L3MBTL4: variants seen among roughly 807,000 people sequenced by gnomAD.
L3MBTL4 encodes lethal(3)malignant brain tumor-like protein 4.
A neutral mutation model predicts 84.5 loss-of-function variants in L3MBTL4; 70 were observed. The observed-to-expected ratio is 0.83, with a 90% CI of 0.68 to 1.01. L3MBTL4 has a LOEUF of 1.01. L3MBTL4 is among the 50% of genes least tolerant of loss of function. The pLI is 0.00. For synonymous variants in L3MBTL4, 274 were observed against 259.8 expected, an observed-to-expected ratio of 1.05 and a Z score of -0.52; for missense variants, 715 against 754.8, an observed-to-expected ratio of 0.95 and a Z score of 0.62.
intron 16 of L3MBTL4, among the ~76,000 whole-genome samples, chr18:6,044,632 A>G (rs1158640759): frequency 6.6e-6 from 1 of 152,164 alleles, no homozygotes; most frequent in Admixed American, 6.5e-5. Flanking sequence ...TTAAAAGAAA[A>G]GAAAAAGAAA....
intron 16 of L3MBTL4, among the ~76,000 whole-genome samples, chr18:6,071,092 T>C (rs555110859): frequency 1.3e-5 from 2 of 152,118 alleles, no homozygotes; most frequent in East Asian, 3.9e-4. Context: ...AAAACAATTA[T>C]AGAGATGGTA....
At chr18:5,997,767 C>T (rs534124561) in intron 16 of L3MBTL4, among the ~76,000 whole-genome samples, 29 of 152,260 alleles carry the variant, frequency 1.9e-4, no homozygotes, top group Middle Eastern at 3.4e-3. Flanking sequence ...GTCACCAACG[C>T]GTCCTTAACC....
At chr18:5,961,653 G>A (rs1275341027) in intron 17 of L3MBTL4, among the ~76,000 whole-genome samples, 1 of 152,180 alleles carries the variant, frequency 6.6e-6, no homozygotes, top group Non-Finnish European at 1.5e-5. Flanking sequence ...CAAGCTCCAG[G>A]AGCATCTGTG....
intron 14 of L3MBTL4, among the ~76,000 whole-genome samples, chr18:6,137,752 C>A (rs1197497210): frequency 6.6e-6 from 1 of 152,158 alleles, no homozygotes; most frequent in Non-Finnish European, 1.5e-5. Context: ...GCATATTCTG[C>A]AACATAACTT....
intron 13 of L3MBTL4, among the ~76,000 whole-genome samples, chr18:6,154,743 A>C (rs1294415497): frequency 6.6e-6 from 1 of 152,324 alleles, no homozygotes; most frequent in East Asian, 1.9e-4. Context: ...GTGATTAAAC[A>C]TGATTTTTTG....
chr18:6,203,587 C>T (rs985826188), intron 12 of L3MBTL4, among the ~76,000 whole-genome samples: 3 of 152,150 alleles, frequency 2.0e-5, no homozygotes, highest in African/African-American at 7.2e-5. Flanking sequence ...CAAAACCTAC[C>T]ACCCTCCTTG....
intron 16 of L3MBTL4, among the ~76,000 whole-genome samples, chr18:6,059,835 G>C (rs115617798): frequency 0.023 from 3,465 of 152,314 alleles, 136 homozygotes; most frequent in African/African-American, 0.08. Context: ...AGAATGCCTA[G>C]AGGCCATTAG....
chr18:6,332,235 G>A (rs942548870), intron 1 of L3MBTL4, among the ~76,000 whole-genome samples: 7 of 152,228 alleles, frequency 4.6e-5, no homozygotes, highest in Non-Finnish European at 5.9e-5. Context: ...CTACTTTGCT[G>A]AATCTAATTA....
chr18:6,065,340 G>A (rs188369782), intron 16 of L3MBTL4, among the ~76,000 whole-genome samples: 377 of 151,926 alleles, frequency 2.5e-3, no homozygotes, highest in Admixed American at 4.1e-3. Flanking sequence ...TCCTGGTTTC[G>A]GTATTAGGGT....
chr18:6,077,271 A>G lies in L3MBTL4; in HGVS notation c.1444+3610T>C, dbSNP rs2057886599. Among the ~76,000 whole-genome samples, 3 of 152,340 alleles carry G rather than the reference A, an allele frequency of 2.0e-5. No homozygotes were observed. In the South Asian group the frequency reaches 6.2e-4, roughly 32 times the overall value. On this transcript the variant is annotated intron_variant, in intron 16 of 18. Transcript: ENST00000317931. Reference sequence around the variant, plus strand: ...CCTTGGATTAGTAAGACAAATTTCAACTTGCCCCTGTTATGCACAACCAAC... The same window carrying G: ...CCTTGGATTAGTAAGACAAATTTCAGCTTGCCCCTGTTATGCACAACCAAC...
chr18:6,243,627 G>C (rs1215660209), intron 6 of L3MBTL4, among the ~76,000 whole-genome samples, 198 bp from the exon 7 acceptor site: 1 of 152,166 alleles, frequency 6.6e-6, no homozygotes, highest in Admixed American at 6.5e-5. Context: ...CTGTCTTACA[G>C]GTATCTAGTG....
At chr18:6,160,014 G>C (rs2043257155) in intron 13 of L3MBTL4, among the ~76,000 whole-genome samples, 1 of 152,196 alleles carries the variant, frequency 6.6e-6, no homozygotes, top group Non-Finnish European at 1.5e-5. Context: ...TGAAGGGGCA[G>C]GAAGGGTGAC....
At chr18:6,279,790 G>A (rs2049247873) in intron 4 of L3MBTL4, among the ~76,000 whole-genome samples, 1 of 152,154 alleles carries the variant, frequency 6.6e-6, no homozygotes, top group Admixed American at 6.5e-5. Context: ...TGAGATGGCA[G>A]TATTCACTTC....
intron 1 of L3MBTL4, among the ~76,000 whole-genome samples, chr18:6,336,284 G>C (rs1385685039): frequency 1.3e-5 from 2 of 152,026 alleles, no homozygotes; most frequent in South Asian, 2.1e-4. Context: ...GAGATAATCT[G>C]TCAATATATG....
chr18:6,167,041 A>G (rs1304301707), intron 13 of L3MBTL4, among the ~76,000 whole-genome samples: 3 of 152,224 alleles, frequency 2.0e-5, no homozygotes, highest in African/African-American at 7.2e-5. Context: ...AGAAAATACT[A>G]TAAATACCTC....
At position 5,955,486 on chromosome 18, in the gene L3MBTL4, C is replaced by G. The variant is rs1235060068; in HGVS notation, c.*734G>C. 1.3e-5 allele frequency: 2 copies of G among 152,204 alleles called. No homozygotes were observed. Among genetic ancestry groups the G allele is most frequent in the African/African-American group, 2.4e-5 (1 of 41,418 alleles). The allele number at this position is 152,204 out of a possible 1,614,324, so 9.4% of individuals were successfully genotyped here. A position where few individuals can be genotyped will look rare whatever the true frequency, so the allele number is the denominator to read the frequency against. The stretch of plus-strand genomic sequence containing the variant: ...TGTTAGGACAGGGTCCCCTGAGGCC[C>G]CGCTGATGGTGGAGGGTCCTCAGAA... On this transcript the variant is annotated 3_prime_UTR_variant, in exon 19 of 19. Coordinates refer to ENST00000317931, the MANE Select transcript of L3MBTL4 (RefSeq NM_001330559.2).
chr18:6,271,088 GTC>G (rs1343533206), intron 4 of L3MBTL4, among the ~76,000 whole-genome samples: 1 of 152,172 alleles, frequency 6.6e-6, no homozygotes, highest in African/African-American at 2.4e-5. Context: ...AGGGTACAAA[GTC>G]TCTGTTAGAC....
intron 16 of L3MBTL4, among the ~76,000 whole-genome samples, chr18:6,029,010 T>C (rs931776747): frequency 6.6e-6 from 1 of 152,214 alleles, no homozygotes; most frequent in African/African-American, 2.4e-5. Context: ...TGCTGTGACT[T>C]ATTTTGCTTT....
intron 1 of L3MBTL4, among the ~76,000 whole-genome samples, chr18:6,391,670 C>G (rs991315459): frequency 2.0e-5 from 3 of 151,934 alleles, no homozygotes; most frequent in African/African-American, 7.2e-5. Context: ...AGATTAATAG[C>G]ACCACTAAAT....
Sources: allele counts gnomAD v4.1 joint callset (sites outside exome capture counted in the v4.1 genomes callset), GRCh38; gene constraint gnomAD v4.1.1; transcripts MANE v1.5; gene names NCBI Gene and HGNC (gene_info 2026-07-23, HGNC 2026-07-21).